LRRTM4: variants seen among roughly 807,000 people sequenced by gnomAD.
LRRTM4 encodes leucine rich repeat transmembrane neuronal 4, also known as leucine-rich repeat transmembrane neuronal protein 4.
In LRRTM4, 25 loss-of-function variants were observed where a neutral mutation model predicts 47.6. That is an observed-to-expected ratio of 0.53 (90% confidence interval 0.38 to 0.73). The LOEUF (loss-of-function observed/expected upper bound fraction) is 0.73. Among genes scored for constraint, LRRTM4 ranks in the 30% least tolerant of loss-of-function variants. The probability of loss-of-function intolerance (pLI) is 0.00; values close to 1 mark genes in which losing one functional copy is unlikely to be tolerated. For synonymous variants in LRRTM4, 311 were observed against 269.5 expected (o/e 1.15, Z -1.51); for missense variants, 638 against 713.4 (o/e 0.89, Z 1.20).
intron 3 of LRRTM4, among the ~76,000 whole-genome samples, chr2:76,842,205 C>G (rs1269558800): frequency 1.3e-5 from 2 of 152,090 alleles, no homozygotes; most frequent in Admixed American, 1.3e-4. Flanking sequence ...GGTGGTTTAT[C>G]AATCTTCTGC....
chr2:77,447,521 A>G (rs1390623562), intron 3 of LRRTM4, among the ~76,000 whole-genome samples: 1 of 152,096 alleles, frequency 6.6e-6, no homozygotes, highest in Non-Finnish European at 1.5e-5. Context: ...TCTATGTCCA[A>G]TTTCAATAAC....
intron 3 of LRRTM4, among the ~76,000 whole-genome samples, chr2:77,140,808 G>T (rs915847239): frequency 9.7e-4 from 147 of 152,250 alleles, no homozygotes; most frequent in Non-Finnish European, 1.8e-3. Context: ...AAAAGTGGGT[G>T]AAGGATATGA....
intron 3 of LRRTM4, among the ~76,000 whole-genome samples, chr2:77,229,668 G>A (rs193260628): frequency 3.3e-5 from 5 of 152,094 alleles, no homozygotes; most frequent in Admixed American, 1.3e-4. Context: ...CAGCTCCACC[G>A]CTACCTCTGC....
chr2:76,930,630 G>C (rs763175194), intron 3 of LRRTM4, among the ~76,000 whole-genome samples: 2 of 152,070 alleles, frequency 1.3e-5, no homozygotes, highest in Non-Finnish European at 2.9e-5. Context: ...GTGACATATG[G>C]AGTGCTTTTT....
At chr2:76,828,226 G>A (rs962236922) in intron 3 of LRRTM4, among the ~76,000 whole-genome samples, 1 of 151,858 alleles carries the variant, frequency 6.6e-6, no homozygotes, top group African/African-American at 2.4e-5. Context: ...GGGCACTACT[G>A]GGTTCTCTAA....
At chr2:77,052,886 A>G (rs1014093245) in intron 3 of LRRTM4, among the ~76,000 whole-genome samples, 29 of 152,212 alleles carry the variant, frequency 1.9e-4, no homozygotes, top group African/African-American at 7.0e-4. Context: ...GGCATATACA[A>G]TGGAATAGCT....
chr2:76,877,321 A>G (rs546736566), intron 3 of LRRTM4, among the ~76,000 whole-genome samples: 2 of 152,240 alleles, frequency 1.3e-5, no homozygotes, highest in South Asian at 4.1e-4. Flanking sequence ...AAGAGTATAT[A>G]CATTTTAAAA....
chr2:77,462,666 T>G (rs1676834078), intron 3 of LRRTM4, among the ~76,000 whole-genome samples: 1 of 152,212 alleles, frequency 6.6e-6, no homozygotes, highest in African/African-American at 2.4e-5. Context: ...CTTTTGATAT[T>G]CATGATATTG....
intron 3 of LRRTM4, among the ~76,000 whole-genome samples, chr2:77,504,609 T>C (rs1434466104): frequency 1.3e-5 from 2 of 151,572 alleles, no homozygotes; most frequent in Non-Finnish European, 3.0e-5. Flanking sequence ...ACAAGAATCA[T>C]TTAACAAAAC....
chr2:77,133,721 A>G (rs1022421899), intron 3 of LRRTM4, among the ~76,000 whole-genome samples: 8 of 152,192 alleles, frequency 5.3e-5, no homozygotes, highest in Admixed American at 1.3e-4. Flanking sequence ...TGAGAGTTTC[A>G]TGAAAAAAGT....
At chr2:77,047,420 T>C (rs1206182112) in intron 3 of LRRTM4, among the ~76,000 whole-genome samples, 1 of 152,020 alleles carries the variant, frequency 6.6e-6, no homozygotes, top group African/African-American at 2.4e-5. Context: ...AGGCTAAAAC[T>C]CTGAGATCTA....
intron 3 of LRRTM4, among the ~76,000 whole-genome samples, chr2:77,024,461 A>G (rs1192416696): frequency 6.6e-6 from 1 of 151,364 alleles, no homozygotes; most frequent in African/African-American, 2.4e-5. Flanking sequence ...CCTACCTCAC[A>G]CATGCATGTC....
Position 76,765,835 on chromosome 2 carries a change from G to T in LRRTM4, c.1552-16919C>A, listed in dbSNP as rs183249839. On this transcript the variant is annotated intron_variant, in intron 3 of 3. Coordinates refer to ENST00000409884, the MANE Select transcript of LRRTM4 (RefSeq NM_001134745.3). ...CATCACCATGGCCTGGTAAGGCTTTGTATGAAGATATGTGGATGATGTCAC... is the reference window on the plus strand; with the variant it reads ...CATCACCATGGCCTGGTAAGGCTTTTTATGAAGATATGTGGATGATGTCAC... 1.6e-3 allele frequency among the ~76,000 whole-genome samples: 250 copies of T among 152,342 alleles called. 1 individual carries two copies. Among genetic ancestry groups the T allele is most frequent in the African/African-American group, 5.8e-3 (240 of 41,590 alleles).
intron 3 of LRRTM4, among the ~76,000 whole-genome samples, chr2:77,285,344 A>ATATATATATATATATG (rs1159935785): frequency 7.5e-5 from 10 of 133,710 alleles, no homozygotes; most frequent in Non-Finnish European, 1.6e-4. Context: ...TTAAATTTAT[A>ATATATATATATATATG]TATATATATA....
chr2:76,974,179 T>TACAC (rs1410871218), intron 3 of LRRTM4, among the ~76,000 whole-genome samples: 1 of 119,022 alleles, frequency 8.4e-6, no homozygotes, highest in African/African-American at 3.9e-5. Flanking sequence ...CATACATATA[T>TACAC]ATACATACAT....
intron 3 of LRRTM4, among the ~76,000 whole-genome samples, chr2:77,474,910 C>T (rs140262178): frequency 1.7e-4 from 26 of 152,118 alleles, no homozygotes; most frequent in East Asian, 5.8e-4. Flanking sequence ...ACTTAGTTGT[C>T]GACTGCCAGG....
At chr2:77,335,539 AC>A (rs1416547662) in intron 3 of LRRTM4, among the ~76,000 whole-genome samples, 1 of 152,198 alleles carries the variant, frequency 6.6e-6, no homozygotes, top group Non-Finnish European at 1.5e-5. Context: ...TGTGTATCTT[AC>A]TATTTAAGCT....
At chr2:77,167,434 C>A (rs902095389) in intron 3 of LRRTM4, among the ~76,000 whole-genome samples, 2 of 152,156 alleles carry the variant, frequency 1.3e-5, no homozygotes, top group Non-Finnish European at 2.9e-5. Flanking sequence ...CCATTTGACC[C>A]AGCCATCCCA....
chr2:77,312,777 C>T (rs939200083), intron 3 of LRRTM4, among the ~76,000 whole-genome samples: 2 of 151,976 alleles, frequency 1.3e-5, no homozygotes, highest in African/African-American at 4.8e-5. Context: ...AAAGCAAATA[C>T]CCACTGAAAT....
Sources: allele counts gnomAD v4.1 joint callset (sites outside exome capture counted in the v4.1 genomes callset), GRCh38; gene constraint gnomAD v4.1.1; transcripts MANE v1.5; gene names NCBI Gene and HGNC (gene_info 2026-07-23, HGNC 2026-07-21).